Variants in TMEM144 observed in about 807,000 individuals in gnomAD.
TMEM144 encodes transmembrane protein 144.
In TMEM144, 39 loss-of-function variants were observed where a neutral mutation model predicts 43.6. That is an observed-to-expected ratio of 0.90 (90% confidence interval 0.69 to 1.17). The LOEUF is 1.17. Ranked by LOEUF, TMEM144 falls within the 50% of genes most tolerant of loss-of-function variation. The probability of loss-of-function intolerance (pLI) is 0.00; values close to 1 mark genes in which losing one functional copy is unlikely to be tolerated. For synonymous variants in TMEM144, 154 were observed against 133.6 expected, an observed-to-expected ratio of 1.15 and a Z score of -1.06; for missense variants, 417 against 411.9, an observed-to-expected ratio of 1.01 and a Z score of -0.11.
intron 12 of TMEM144, among the ~76,000 whole-genome samples, chr4:158,245,753 CTA>C (rs1287877028): frequency 1.3e-5 from 2 of 151,998 alleles, no homozygotes; most frequent in Non-Finnish European, 2.9e-5. Context: ...AGCAAAACCG[CTA>C]TCTCTACAAA....
chr4:158,225,215 G>GT (rs145295502), intron 6 of TMEM144, among the ~76,000 whole-genome samples: 3 of 151,998 alleles, frequency 2.0e-5, no homozygotes, highest in Non-Finnish European at 2.9e-5. Flanking sequence ...CTGTCTAGTT[G>GT]TTTTTTTTAG....
intron 6 of TMEM144, among the ~76,000 whole-genome samples, chr4:158,226,476 A>G (rs1016066814): frequency 6.6e-6 from 1 of 152,200 alleles, no homozygotes; most frequent in Non-Finnish European, 1.5e-5. Flanking sequence ...TTTCTTTCTA[A>G]TTAACATTTT....
At chr4:158,243,345 G>C (rs1735716895) in intron 11 of TMEM144, among the ~76,000 whole-genome samples, 1 of 152,158 alleles carries the variant, frequency 6.6e-6, no homozygotes, top group Non-Finnish European at 1.5e-5. Context: ...AAACAGAGAG[G>C]AGTGTATTTT....
chr4:158,221,398 CT>C (rs1211972193), intron 6 of TMEM144, among the ~76,000 whole-genome samples: 30 of 152,128 alleles, frequency 2.0e-4, no homozygotes, highest in Non-Finnish European at 3.8e-4. Flanking sequence ...GTGCCTCCCC[CT>C]GGCAGAACCT....
In TMEM144 at chr4:158,254,620, T is replaced by C. The variant is rs1424361678; in HGVS notation, c.*1093T>C. Reference sequence around the variant, plus strand: ...AAAAAAGAAATTTAATTTAAATTTGTAAGAAAAAAGAAAACTGAAACAGAA... The same window carrying C: ...AAAAAAGAAATTTAATTTAAATTTGCAAGAAAAAAGAAAACTGAAACAGAA... On this transcript the variant is annotated 3_prime_UTR_variant, in exon 13 of 13. Coordinates refer to ENST00000296529, the MANE Select transcript of TMEM144 (RefSeq NM_018342.5). The C allele has an allele frequency of 1.3e-5, 2 of 152,046 alleles. No homozygotes were observed. The highest frequency in any genetic ancestry group is 1.3e-4 in the Admixed American group (2 of 15,252). The allele number at this position is 152,046 out of a possible 1,614,324, so 9.4% of individuals were successfully genotyped here.
chr4:158,230,531 G>A (rs528000349), intron 6 of TMEM144, among the ~76,000 whole-genome samples: 9 of 151,884 alleles, frequency 5.9e-5, no homozygotes, highest in Admixed American at 1.3e-4. Flanking sequence ...GAGGATTTTC[G>A]TTGTATAATT....
intron 10 of TMEM144, among the ~76,000 whole-genome samples, chr4:158,240,750 C>A (rs898479188): frequency 6.6e-6 from 1 of 152,172 alleles, no homozygotes; most frequent in Admixed American, 6.5e-5. Flanking sequence ...ATTTCTTTTT[C>A]ACTATCTAAA....
chr4:158,232,671 GA>G (rs1735139850), intron 6 of TMEM144, among the ~76,000 whole-genome samples: 1 of 152,196 alleles, frequency 6.6e-6, no homozygotes, highest in South Asian at 2.1e-4. Context: ...GATGTAGAAG[GA>G]AAGCTTATGA....
At chr4:158,224,957 A>C (rs1399138018) in intron 6 of TMEM144, among the ~76,000 whole-genome samples, 1 of 152,194 alleles carries the variant, frequency 6.6e-6, no homozygotes, top group Non-Finnish European at 1.5e-5. Context: ...TAATACCGAG[A>C]GCAAGGTGGC....
rs576661258 is a variant in TMEM144, at chr4:158,216,997, G to A, written c.233-324G>A. On this transcript the variant is annotated intron_variant, in intron 4 of 12. Transcript: ENST00000296529. Reference sequence around the variant, plus strand: ...GGCCCTAATTCAAGTCTAAGAGGATGGTCACTGATAATTTATCACTGACAG... The same window carrying A: ...GGCCCTAATTCAAGTCTAAGAGGATAGTCACTGATAATTTATCACTGACAG... 4.6e-5 allele frequency among the ~76,000 whole-genome samples: 7 copies of A among 152,146 alleles called. No individual in the cohort carries two copies. The South Asian group carries it at 1.5e-3, about 32-fold the overall frequency.
intron 6 of TMEM144, among the ~76,000 whole-genome samples, chr4:158,228,019 G>A (rs1435713779): frequency 6.6e-6 from 1 of 152,050 alleles, no homozygotes; most frequent in Non-Finnish European, 1.5e-5. Context: ...CGGGTAAAAA[G>A]GCACACACAC....
intron 3 of TMEM144, chr4:158,213,170 GATAGGCA>G: frequency 2.4e-5 from 6 of 250,578 alleles, no homozygotes; most frequent in South Asian, 2.2e-4. Context: ...GAAACCTCTA[GATAGGCA>G]CAGAAGACTG....
Position 158,219,577 on chromosome 4 carries a change from C to T in TMEM144, c.413+187C>T, listed in dbSNP as rs535521104. 2.6e-4 allele frequency among the ~76,000 whole-genome samples: 40 copies of T among 152,286 alleles called. 1 individual carries two copies. Among genetic ancestry groups the T allele is most frequent in the African/African-American group, 9.6e-4 (40 of 41,560 alleles). On this transcript the variant is annotated intron_variant, in intron 6 of 12. Coordinates refer to ENST00000296529, the MANE Select transcript of TMEM144 (RefSeq NM_018342.5). ...GTGCCAGATTTGGGGGCAGGGGCAG[C>T]CCCAGCTTTAGCTCTCCAAAACTCT...
chr4:158,227,002 T>C (rs1421847187), intron 6 of TMEM144, among the ~76,000 whole-genome samples: 1 of 152,184 alleles, frequency 6.6e-6, no homozygotes, highest in Admixed American at 6.5e-5. Flanking sequence ...TAATACATGT[T>C]ACACTGTTAA....
In TMEM144 at chr4:158,248,730, T is replaced by A. The variant is rs186499181; in HGVS notation, c.954+4381T>A. On this transcript the variant is annotated intron_variant, in intron 12 of 12. Transcript: ENST00000296529. ...TTATCTGCAGGACTCATAGGTACTG[T>A]CAGTTATATATCTTAAAGCAGTCCT... Among the ~76,000 whole-genome samples, 26 of 152,218 alleles carry A rather than the reference T, an allele frequency of 1.7e-4. No homozygotes were observed. The East Asian group carries it at 5.0e-3, about 29-fold the overall frequency.
intron 10 of TMEM144, 95 bp from the exon 11 acceptor site, chr4:158,241,414 T>G: frequency 1.1e-6 from 1 of 910,710 alleles, no homozygotes; most frequent in Non-Finnish European, 1.8e-6. Context: ...TTAGAATGCA[T>G]TTATATGTGC....
intron 7 of TMEM144, chr4:158,234,487 T>C (rs1216762830): frequency 6.7e-6 from 1 of 148,992 alleles, no homozygotes; most frequent in Non-Finnish European, 1.5e-5. Context: ...TTGCAGTGAA[T>C]CAAGATCACA....
rs537818145 is a variant in TMEM144 at position 158,241,633 on chromosome 4, T to A, written c.900+27T>A. On this transcript the variant is annotated intron_variant, in intron 11 of 12. Transcript: ENST00000296529. ...TAAGTAGCTGAACTGGTTTTCCTAA[T>A]TTTCATTTTATAAATGTAAACCCAA... The A allele has an allele frequency of 4.4e-6, 7 of 1,601,028 alleles. No individual in the cohort carries two copies. The African/African-American group carries it at 8.0e-5, about 18-fold the overall frequency.
intron 9 of TMEM144, among the ~76,000 whole-genome samples, chr4:158,239,891 T>G (rs939191772): frequency 7.9e-5 from 12 of 151,164 alleles, no homozygotes; most frequent in African/African-American, 2.7e-4. Context: ...TAATGGGGTT[T>G]TTTTTTTTTT....
Sources: gnomAD v4.1 joint callset for allele counts (sites outside exome capture counted in the v4.1 genomes callset) on GRCh38, gnomAD v4.1.1 for gene constraint, MANE v1.5 for transcripts, NCBI Gene and HGNC (gene_info 2026-07-23, HGNC 2026-07-21) for gene names.